The following IGDCC3 variants were observed in gnomAD, a reference collection of about 807,000 sequenced individuals.
The protein encoded by IGDCC3 is immunoglobulin superfamily DCC subclass member 3.
IGDCC3 carries 47 observed loss-of-function variants against 72.0 expected under a neutral mutation model. The observed-to-expected ratio is 0.65, with a 90% CI of 0.52 to 0.83. IGDCC3 has a LOEUF of 0.83. Among genes scored for constraint, IGDCC3 ranks in the 40% least tolerant of loss-of-function variants. IGDCC3 has a pLI of 0.00. For synonymous variants in IGDCC3, 477 were observed against 472.8 expected (o/e 1.01, Z -0.11); for missense variants, 1,038 against 1,091.3 (o/e 0.95, Z 0.69).
At position 65,331,552 on chromosome 15, in the gene IGDCC3, C is replaced by G; in HGVS notation, c.1256G>C (p.Trp419Ser). The part of the protein sequence containing the change: ...SQASARLTVL[W>S]AEGLPGPPRN... ...GGGAGGCCCGGGGAGCCCCTCAGCC[C>G]ACAGTACGGTCAGCCTGGCACTGGC... is the stretch of plus-strand genomic sequence containing the variant. The change falls in exon 8 of 14, where the codon TGG (tryptophan) becomes TCG (serine). Residue 419 changes from tryptophan (W) to serine (S), a missense_variant. Transcript: ENST00000327987. The G allele has an allele frequency of 6.2e-7, 1 of 1,613,806 alleles. No homozygotes were observed. The highest frequency in any genetic ancestry group is 8.5e-7 in the Non-Finnish European group (1 of 1,179,930).
At chr15:65,343,298 G>A (rs2091098274) in intron 2 of IGDCC3, among the ~76,000 whole-genome samples, 1 of 152,110 alleles carries the variant, frequency 6.6e-6, no homozygotes, top group Non-Finnish European at 1.5e-5. Flanking sequence ...CTTCTCCAAG[G>A]GGCAGCCTCT....
At position 65,355,839 on chromosome 15, in the gene IGDCC3, G is replaced by A. The variant is rs554700746; in HGVS notation, c.409+19258C>T. The A allele has an allele frequency of 1.2e-5, 5 of 423,274 alleles. No homozygotes were observed. The East Asian group carries it at 2.5e-4, about 21-fold the overall frequency. 26.2% of individuals were successfully genotyped at this position (423,274 alleles called of 1,614,324 possible). A position where few individuals can be genotyped will look rare whatever the true frequency, so the allele number is the denominator to read the frequency against. On this transcript the variant is annotated intron_variant, in intron 2 of 13. Coordinates refer to ENST00000327987, the MANE Select transcript of IGDCC3 (RefSeq NM_004884.4). ...GGTTTGATGTCGCTGGGGCGAGCGA[G>A]GCACCATTTCCCGCCACCCCCTCCC...
intron 2 of IGDCC3, among the ~76,000 whole-genome samples, chr15:65,370,620 G>A (rs12904364): frequency 0.31 from 29,201 of 94,026 alleles, 3,833 homozygotes; most frequent in South Asian, 0.41. Context: ...ATATGTATGT[G>A]TATATATATA....
rs1197541479 is a variant in IGDCC3 at position 65,370,846 on chromosome 15, ACTCCTGACTTCAAGCGATC to A, written c.409+4232_409+4250del. ...GCTCTGTTGCCCAGGTTGCTCTCAAACTCCTGACTTCAAGCGATCCTCCTGCCTCAGCCTCTCAAAGTGC... is the reference window on the plus strand; with the variant it reads ...GCTCTGTTGCCCAGGTTGCTCTCAAACTCCTGCCTCAGCCTCTCAAAGTGC... On this transcript the variant is annotated intron_variant, in intron 2 of 13. Coordinates refer to ENST00000327987, the MANE Select transcript of IGDCC3 (RefSeq NM_004884.4). Among the ~76,000 whole-genome samples the A allele has an allele frequency of 2.0e-5, 3 of 151,938 alleles. No homozygotes were observed. The East Asian group carries it at 5.8e-4, about 29-fold the overall frequency.
At position 65,330,505 on chromosome 15, in the gene IGDCC3, C is replaced by T. The variant is rs370048390; in HGVS notation, c.1753+45G>A. Reference sequence around the variant, plus strand: ...TACGCCACCTCCTGGCCCTCAGCGCCGCACTCTGCCAAGCCCCCTAGGCTC... The same window carrying T: ...TACGCCACCTCCTGGCCCTCAGCGCTGCACTCTGCCAAGCCCCCTAGGCTC... On this transcript the variant is annotated intron_variant, in intron 10 of 13. Coordinates refer to ENST00000327987, the MANE Select transcript of IGDCC3 (RefSeq NM_004884.4). 220 of 1,595,466 alleles carry T rather than the reference C, an allele frequency of 1.4e-4. 1 individual carries two copies. The highest frequency in any genetic ancestry group is 8.2e-4 in the African/African-American group (61 of 74,658).
At chr15:65,336,607 A>G (rs1167523686) in intron 2 of IGDCC3, among the ~76,000 whole-genome samples, 1 of 151,894 alleles carries the variant, frequency 6.6e-6, no homozygotes, top group Non-Finnish European at 1.5e-5. Flanking sequence ...ATCCAAGGTG[A>G]CAAGCCTCTC....
At chr15:65,338,569 G>A (rs1458977614) in intron 2 of IGDCC3, among the ~76,000 whole-genome samples, 2 of 127,402 alleles carry the variant, frequency 1.6e-5, no homozygotes, top group Admixed American at 1.7e-4. Flanking sequence ...TGGCTGCACA[G>A]GTGTGGTCCA....
chr15:65,327,609 T>TACC lies in IGDCC3; in HGVS notation c.*1299_*1300insGGT, dbSNP rs1221419212. ...TTCCTTGGTTTTCTTTTCTTCTTCT[T>TACC]TAACTAAGTAGTTCAAAGAACAACA... On this transcript the variant is annotated 3_prime_UTR_variant, in exon 14 of 14. Transcript: ENST00000327987. 6.6e-6 allele frequency: 1 copy of TACC among 152,538 alleles called. No individual in the cohort carries two copies. The highest frequency in any genetic ancestry group is 1.5e-5 in the Non-Finnish European group (1 of 68,018). The allele number at this position is 152,538 out of a possible 1,614,324, so 9.4% of individuals were successfully genotyped here. A position where few individuals can be genotyped will look rare whatever the true frequency, so the allele number is the denominator to read the frequency against.
chr15:65,336,329 A>C (rs1018929399), intron 2 of IGDCC3, among the ~76,000 whole-genome samples: 4 of 152,054 alleles, frequency 2.6e-5, no homozygotes, highest in Non-Finnish European at 5.9e-5. Flanking sequence ...CCCACACCCC[A>C]CTTTTTCAGC....
intron 2 of IGDCC3, chr15:65,355,656 T>TCCCTCCC: frequency 4.7e-6 from 1 of 211,730 alleles, no homozygotes; most frequent in South Asian, 3.1e-5. Flanking sequence ...GACGCGGGCG[T>TCCCTCCC]CCCGCCCCCC....
rs760523781 is a variant in IGDCC3 at position 65,375,411 on chromosome 15, G to C, written c.104-9C>G. On this transcript the variant is annotated splice_polypyrimidine_tract_variant and intron_variant, in intron 1 of 13. Coordinates refer to ENST00000327987, the MANE Select transcript of IGDCC3 (RefSeq NM_004884.4). ...AGCAGAGTGGCCAAGACCTGCATTG[G>C]GGAAGGGGAGATGGAAGGAAATAGG... 6.3e-7 allele frequency: 1 copy of C among 1,587,796 alleles called. No individual in the cohort carries two copies. Among genetic ancestry groups the C allele is most frequent in the Non-Finnish European group, 8.6e-7 (1 of 1,161,148 alleles).
chr15:65,371,237 T>C (rs62015031), intron 2 of IGDCC3, among the ~76,000 whole-genome samples: 2,828 of 152,374 alleles, frequency 0.019, 41 homozygotes, highest in South Asian at 0.04. Context: ...CCAGGTGCTT[T>C]AGACCCATCA....
intron 2 of IGDCC3, among the ~76,000 whole-genome samples, chr15:65,348,322 G>A (rs1206070125): frequency 1.3e-5 from 2 of 152,100 alleles, no homozygotes; most frequent in African/African-American, 2.4e-5. Flanking sequence ...TCTTTCTTGC[G>A]TGAGATCCAA....
In IGDCC3 at chr15:65,329,319, AGGG is replaced by A. The variant is rs1419059420; in HGVS notation, c.2205+68_2205+70del. 9 of 1,495,608 alleles carry A rather than the reference AGGG, an allele frequency of 6.0e-6. No individual in the cohort carries two copies. In the South Asian group the frequency reaches 1.1e-4, roughly 19 times the overall value. 92.6% of individuals were successfully genotyped at this position (1,495,608 alleles called of 1,614,324 possible). On this transcript the variant is annotated intron_variant, in intron 13 of 13. Transcript: ENST00000327987. The surrounding 1 kb of genome is among the most constrained non-coding windows in gnomAD (Gnocchi z 4.1). ...TGATCGAGGCCCGTGGCCAAGGTGAAGGGGGGCAGGATTGGAAGGTGGCAGTGT... is the reference window on the plus strand; with the variant it reads ...TGATCGAGGCCCGTGGCCAAGGTGAAGGGCAGGATTGGAAGGTGGCAGTGT...
At chr15:65,367,656 C>T (rs2140169337) in intron 2 of IGDCC3, among the ~76,000 whole-genome samples, 1 of 152,192 alleles carries the variant, frequency 6.6e-6, no homozygotes, top group South Asian at 2.1e-4. Flanking sequence ...CCCAGTGTCC[C>T]AGGGCTTGCC....
chr15:65,369,914 A>G (rs1176730543), intron 2 of IGDCC3, among the ~76,000 whole-genome samples: 1 of 152,144 alleles, frequency 6.6e-6, no homozygotes, highest in Admixed American at 6.5e-5. Context: ...CCCCAGAGCC[A>G]CACACCATGA....
chr15:65,353,182 C>G (rs574820909), intron 2 of IGDCC3, among the ~76,000 whole-genome samples: 11 of 151,896 alleles, frequency 7.2e-5, no homozygotes, highest in African/African-American at 2.2e-4. Flanking sequence ...GAATACAGGA[C>G]AAGCGTACTT....
In IGDCC3 at chr15:65,334,786, C is replaced by A. The variant is rs139312062; in HGVS notation, c.765G>T (p.Ala255=). ...TGCCCGTGGCGACACACTCAAGCAC[C>A]GCGGTCTGGTGCACTGTCAGGGTGA... The part of the protein sequence containing the change: ...ENLTLTVHQT[A]VLECVATGNP... The change falls in exon 5 of 14, where the codon GCG becomes GCT. Residue 255 remains alanine (A), a synonymous_variant. Coordinates refer to ENST00000327987, the MANE Select transcript of IGDCC3 (RefSeq NM_004884.4). 3 of 1,610,472 alleles carry A rather than the reference C, an allele frequency of 1.9e-6. No individual in the cohort carries two copies. Among genetic ancestry groups the A allele is most frequent in the African/African-American group, 2.7e-5 (2 of 74,924 alleles).
chr15:65,356,912 T>G (rs1340444079), intron 2 of IGDCC3, among the ~76,000 whole-genome samples: 1 of 143,686 alleles, frequency 7.0e-6, no homozygotes, highest in East Asian at 2.2e-4. Context: ...TGCAGTGGCC[T>G]GATCTCGGCT....
Sources: gnomAD v4.1 joint callset for allele counts (sites outside exome capture counted in the v4.1 genomes callset) on GRCh38, gnomAD v4.1.1 for gene constraint, Gnocchi (gnomAD v3.1) non-coding constraint, MANE v1.5 for transcripts, NCBI Gene and HGNC (gene_info 2026-07-23, HGNC 2026-07-21) for gene names.